The following LRMDA variants were observed in gnomAD, a reference collection of about 807,000 sequenced individuals.
LRMDA encodes leucine-rich melanocyte differentiation-associated protein.
In LRMDA, 18 loss-of-function variants were observed where a neutral mutation model predicts 29.8. That is an observed-to-expected ratio of 0.60 (90% CI 0.42 to 0.90). The LOEUF is 0.90. Among genes scored for constraint, LRMDA ranks in the 40% least tolerant of loss-of-function variants. LRMDA has a pLI of 0.00. For missense variants in LRMDA, 273 were observed against 273.9 expected, an observed-to-expected ratio of 1.00 and a Z score of 0.02; for synonymous variants, 125 against 109.4, an observed-to-expected ratio of 1.14 and a Z score of -0.89.
intron 5 of LRMDA, among the ~76,000 whole-genome samples, chr10:76,128,450 C>T (rs779736805): frequency 1.1e-4 from 17 of 152,128 alleles, no homozygotes; most frequent in Non-Finnish European, 2.4e-4. Context: ...TGACGTCAGC[C>T]CGTGCAACTC....
chr10:76,136,475 G>T (rs1297208850), intron 5 of LRMDA, among the ~76,000 whole-genome samples: 1 of 152,110 alleles, frequency 6.6e-6, no homozygotes, highest in Non-Finnish European at 1.5e-5. Flanking sequence ...TGGTTCACAT[G>T]CTGATATATA....
chr10:75,709,708 T>A (rs749066823), intron 2 of LRMDA, among the ~76,000 whole-genome samples: 24 of 152,092 alleles, frequency 1.6e-4, no homozygotes, highest in South Asian at 4.2e-4. Flanking sequence ...CTCACATGCT[T>A]AGTTGTGTGT....
chr10:75,822,454 A>T (rs963868477), intron 2 of LRMDA, among the ~76,000 whole-genome samples: 4 of 151,588 alleles, frequency 2.6e-5, no homozygotes, highest in Admixed American at 1.3e-4. Flanking sequence ...CGCAGAATTT[A>T]AAAAAAAACT....
intron 2 of LRMDA, among the ~76,000 whole-genome samples, chr10:76,012,882 CTTTGTA>C (rs1397053751): frequency 6.6e-6 from 1 of 152,004 alleles, no homozygotes; most frequent in Non-Finnish European, 1.5e-5. Flanking sequence ...TGTTGTCTGG[CTTTGTA>C]TTTGGAATAA....
chr10:76,421,086 T>C (rs964869755), intron 6 of LRMDA, among the ~76,000 whole-genome samples: 1 of 152,168 alleles, frequency 6.6e-6, no homozygotes, highest in African/African-American at 2.4e-5. Context: ...TTTAATTCCT[T>C]TTTGTTATCT....
chr10:76,435,634 G>A (rs1842237279), intron 6 of LRMDA, among the ~76,000 whole-genome samples: 1 of 152,200 alleles, frequency 6.6e-6, no homozygotes, highest in African/African-American at 2.4e-5. Context: ...TGGGTTGGGA[G>A]AAGTTGAAAG....
intron 5 of LRMDA, among the ~76,000 whole-genome samples, chr10:76,066,178 C>T (rs1848782311): frequency 6.6e-6 from 1 of 152,178 alleles, no homozygotes; most frequent in South Asian, 2.1e-4. Flanking sequence ...TAGTGGCAGT[C>T]ATTGGTGCCA....
At chr10:76,410,072 C>T (rs572873794) in intron 6 of LRMDA, among the ~76,000 whole-genome samples, 1 of 152,004 alleles carries the variant, frequency 6.6e-6, no homozygotes, top group East Asian at 1.9e-4. Flanking sequence ...CTTGGGGGAA[C>T]AGCATGTATA....
In LRMDA at chr10:75,786,818, T is replaced by G. The variant is rs935052111; in HGVS notation, c.132-249190T>G. On this transcript the variant is annotated intron_variant, in intron 2 of 6. Transcript: ENST00000611255. ...CATCTTTAAGAATAGGGACCTATGC[T>G]TAATATCTCTTCCATAGCACACACA... is the stretch of plus-strand genomic sequence containing the variant. Among the ~76,000 whole-genome samples the G allele has an allele frequency of 3.3e-5, 5 of 152,370 alleles. No individual in the cohort carries two copies. In the South Asian group the frequency reaches 1.0e-3, roughly 32 times the overall value.
chr10:76,539,264 G>A (rs533855225), intron 6 of LRMDA, among the ~76,000 whole-genome samples: 1 of 152,200 alleles, frequency 6.6e-6, no homozygotes, highest in Non-Finnish European at 1.5e-5. Flanking sequence ...TCAAGGAAAG[G>A]AAAAGAGGAG....
intron 2 of LRMDA, among the ~76,000 whole-genome samples, chr10:76,021,683 A>G (rs1847976399): frequency 1.3e-5 from 2 of 152,158 alleles, no homozygotes; most frequent in South Asian, 4.2e-4. Context: ...GCAGTCTATA[A>G]TTCACCCTGG....
intron 6 of LRMDA, among the ~76,000 whole-genome samples, chr10:76,330,795 T>G (rs1378437815): frequency 1.3e-5 from 2 of 152,228 alleles, no homozygotes; most frequent in African/African-American, 4.8e-5. Context: ...TTTTTAGATT[T>G]CTACTATCTT....
At chr10:76,276,016 T>C (rs2132327206) in intron 5 of LRMDA, among the ~76,000 whole-genome samples, 1 of 145,364 alleles carries the variant, frequency 6.9e-6, no homozygotes. Flanking sequence ...AATCTATCTA[T>C]CTATCTATCT....
chr10:75,522,317 G>A (rs1845371227), intron 2 of LRMDA, among the ~76,000 whole-genome samples: 1 of 152,196 alleles, frequency 6.6e-6, no homozygotes, highest in Non-Finnish European at 1.5e-5. Context: ...CAGATGGTTG[G>A]ACTGGGAAGG....
intron 6 of LRMDA, among the ~76,000 whole-genome samples, chr10:76,512,186 T>G (rs772364897): frequency 9.2e-5 from 14 of 152,180 alleles, no homozygotes; most frequent in Non-Finnish European, 1.9e-4. Flanking sequence ...AAGAAGTGCC[T>G]TTCATCTCCT....
In LRMDA at chr10:75,517,971, T is replaced by A. The variant is rs148418725; in HGVS notation, c.131+79477T>A. 6.1e-3 allele frequency among the ~76,000 whole-genome samples: 929 copies of A among 152,342 alleles called. 17 individuals are homozygous for A. The highest frequency in any genetic ancestry group is 0.021 in the African/African-American group (882 of 41,580). On this transcript the variant is annotated intron_variant, in intron 2 of 6. Coordinates refer to ENST00000611255, the MANE Select transcript of LRMDA (RefSeq NM_001305581.2). ...TTGAGATAATCATGTGGTTTTTGTC[T>A]TTGGTTCTGTTTATGTGATAGAAGT...
At chr10:76,431,551 C>A (rs941969610) in intron 6 of LRMDA, among the ~76,000 whole-genome samples, 1 of 152,156 alleles carries the variant, frequency 6.6e-6, no homozygotes, top group Non-Finnish European at 1.5e-5. Flanking sequence ...AATAATGGTG[C>A]CTTGCTCTAG....
At chr10:75,642,221 GGTCTTC>G (rs759394880) in intron 2 of LRMDA, among the ~76,000 whole-genome samples, 8 of 152,178 alleles carry the variant, frequency 5.3e-5, no homozygotes, top group Non-Finnish European at 1.2e-4. Context: ...AAGATGTAGT[GGTCTTC>G]ATCTGTTTGA....
intron 5 of LRMDA, among the ~76,000 whole-genome samples, chr10:76,100,136 A>C (rs1439353515): frequency 6.6e-6 from 1 of 152,132 alleles, no homozygotes; most frequent in Admixed American, 6.5e-5. Context: ...TAGGATTGTT[A>C]TGTGTTCCTG....
Sources: allele counts gnomAD v4.1 joint callset (sites outside exome capture counted in the v4.1 genomes callset), GRCh38; gene constraint gnomAD v4.1.1; transcripts MANE v1.5; gene names NCBI Gene and HGNC (gene_info 2026-07-23, HGNC 2026-07-21).